The following NRG4 variants were observed in gnomAD, a reference collection of about 807,000 sequenced individuals.
NRG4 encodes the protein pro-neuregulin-4, membrane-bound isoform.
Under a neutral mutation model 15.0 loss-of-function variants are expected in NRG4, and 10 were observed. That is an observed-to-expected ratio of 0.67 (90% CI 0.41 to 1.13). The LOEUF (loss-of-function observed/expected upper bound fraction) is 1.13. Among genes scored for constraint, NRG4 ranks in the 50% most tolerant of loss-of-function variants. The pLI, the probability that NRG4 is intolerant of heterozygous loss-of-function variation, is 0.00. For missense variants in NRG4, 139 were observed against 140.2 expected, an observed-to-expected ratio of 0.99 and a Z score of 0.04; for synonymous variants, 41 against 50.1, an observed-to-expected ratio of 0.82 and a Z score of 0.77.
chr15:76,030,979 C>A (rs2141941445), intron 5 of NRG4, among the ~76,000 whole-genome samples: 1 of 152,148 alleles, frequency 6.6e-6, no homozygotes, highest in Non-Finnish European at 1.5e-5. Flanking sequence ...CAAAAAAATC[C>A]TTAAAAAATT....
chr15:75,993,392 TAAAAAAA>T (rs60453624), intron 3 of NRG4, among the ~76,000 whole-genome samples: 10 of 72,146 alleles, frequency 1.4e-4, no homozygotes, highest in Admixed American at 1.8e-4. Context: ...GAGGATTCTG[TAAAAAAA>T]AAAAAAAAAA....
intron 3 of NRG4, among the ~76,000 whole-genome samples, chr15:75,963,497 A>G (rs1375530732): frequency 6.6e-6 from 1 of 151,984 alleles, no homozygotes; most frequent in East Asian, 1.9e-4. Context: ...TTAAAAAATT[A>G]GGCCGGGCAT....
upstream of NRG4, among the ~76,000 whole-genome samples, chr15:76,016,132 A>G (rs1055123486): frequency 5.9e-5 from 9 of 152,126 alleles, no homozygotes; most frequent in Non-Finnish European, 1.2e-4. Flanking sequence ...GTTTATTTGC[A>G]TAGAGGTGTT....
intron 4 of NRG4, among the ~76,000 whole-genome samples, chr15:76,036,545 C>A (rs575241653): frequency 6.6e-6 from 1 of 152,154 alleles, no homozygotes; most frequent in Non-Finnish European, 1.5e-5. Flanking sequence ...GAATGTTGCA[C>A]CCTATAATGG....
intron 1 of NRG4, among the ~76,000 whole-genome samples, chr15:76,057,730 A>T (rs144640130): frequency 6.6e-6 from 1 of 152,254 alleles, no homozygotes; most frequent in African/African-American, 2.4e-5. Flanking sequence ...CGGATTACTC[A>T]GAAAAGGACA....
At chr15:76,022,513 G>C (rs2035188789) in intron 5 of NRG4, among the ~76,000 whole-genome samples, 1 of 152,050 alleles carries the variant, frequency 6.6e-6, no homozygotes, top group Admixed American at 6.6e-5. Flanking sequence ...ATGAATAAGA[G>C]TTTGTAAACA....
intron 5 of NRG4, among the ~76,000 whole-genome samples, chr15:75,954,516 G>A (rs775500379): frequency 6.7e-6 from 1 of 149,082 alleles, no homozygotes; most frequent in African/African-American, 2.5e-5. Context: ...TGCAACCTCC[G>A]CCTCTGTGGT....
intron 3 of NRG4, among the ~76,000 whole-genome samples, chr15:75,996,510 C>G (rs2034221418): frequency 6.6e-6 from 1 of 152,008 alleles, no homozygotes; most frequent in Non-Finnish European, 1.5e-5. Context: ...TAAAGAGATA[C>G]AAAAGAACAC....
At chr15:76,046,102 A>G (rs1384065856) in intron 4 of NRG4, among the ~76,000 whole-genome samples, 1 of 151,024 alleles carries the variant, frequency 6.6e-6, no homozygotes, top group Non-Finnish European at 1.5e-5. Context: ...TTCATTTACA[A>G]TAACTACAAA....
intron 4 of NRG4, among the ~76,000 whole-genome samples, chr15:75,956,411 T>C (rs1488223683): frequency 1.3e-5 from 2 of 152,220 alleles, no homozygotes; most frequent in Admixed American, 1.3e-4. Flanking sequence ...CTTTAGTCAA[T>C]TATTCTAGTA....
chr15:75,970,729 G>A (rs895426114), intron 3 of NRG4, among the ~76,000 whole-genome samples: 3 of 152,254 alleles, frequency 2.0e-5, no homozygotes, highest in South Asian at 4.1e-4. Context: ...GATGCATGGA[G>A]GAAAGTGAGA....
At chr15:76,008,539 C>G (rs1473638626) in intron 3 of NRG4, among the ~76,000 whole-genome samples, 1 of 152,110 alleles carries the variant, frequency 6.6e-6, no homozygotes. Flanking sequence ...ATGATGTTAA[C>G]TCATATACTA....
At chr15:76,005,791 A>G (rs4886755) in intron 3 of NRG4, 204,437 of 429,034 alleles carry the variant, frequency 0.48, 51,337 homozygotes, top group South Asian at 0.63. Context: ...CATTGTTGTC[A>G]TTTTCATTTT....
At chr15:76,054,153 C>A (rs937280040) in intron 2 of NRG4, among the ~76,000 whole-genome samples, 1 of 149,862 alleles carries the variant, frequency 6.7e-6, no homozygotes, top group African/African-American at 2.5e-5. Flanking sequence ...GGTGGTGCAA[C>A]CTTGGCTTAC....
At chr15:75,970,799 C>A (rs2141831979) in intron 3 of NRG4, among the ~76,000 whole-genome samples, 1 of 152,266 alleles carries the variant, frequency 6.6e-6, no homozygotes, top group South Asian at 2.1e-4. Context: ...AAACTCCTTG[C>A]CCCCATGCTT....
chr15:76,034,358 C>T (rs1476916188), intron 5 of NRG4, among the ~76,000 whole-genome samples: 1 of 152,210 alleles, frequency 6.6e-6, no homozygotes, highest in Non-Finnish European at 1.5e-5. Context: ...CAGCAGATTC[C>T]TTGGCAGGCA....
chr15:75,937,021 TGAG>T (rs1162419180), downstream of NRG4: 14 of 151,970 alleles, frequency 9.2e-5, no homozygotes, highest in South Asian at 1.2e-3. Context: ...ATTATCAGAT[TGAG>T]GAGAATTTTG....
chr15:75,992,518 C>A (rs78315611), intron 3 of NRG4, among the ~76,000 whole-genome samples: 1 of 152,042 alleles, frequency 6.6e-6, no homozygotes, highest in Non-Finnish European at 1.5e-5. Context: ...ACATACCGTA[C>A]AATCTATCCA....
chr15:76,005,820 G>A (rs764389561), intron 3 of NRG4: 16 of 411,728 alleles, frequency 3.9e-5, no homozygotes, highest in South Asian at 2.8e-4. Context: ...CTGAGGAGGA[G>A]GAGAAAGAGG....
Sources: gnomAD v4.1 joint callset for allele counts (sites outside exome capture counted in the v4.1 genomes callset) on GRCh38, gnomAD v4.1.1 for gene constraint, MANE v1.5 for transcripts, NCBI Gene and HGNC (gene_info 2026-07-23, HGNC 2026-07-21) for gene names.